Variants in TSHR observed in about 807,000 individuals in gnomAD.
TSHR encodes the protein thyrotropin receptor.
Under a neutral mutation model 64.1 loss-of-function variants are expected in TSHR, and 51 were observed. The observed-to-expected ratio is 0.80, with a 90% confidence interval of 0.64 to 1.01. TSHR has a LOEUF of 1.01. TSHR is among the 50% of genes least tolerant of loss of function. The pLI, the probability that TSHR is intolerant of heterozygous loss-of-function variation, is 0.00. For missense variants in TSHR, 877 were observed against 942.8 expected (o/e 0.93, Z 0.91); for synonymous variants, 361 against 361.9 (o/e 1.00, Z 0.03).
rs550838356 is a variant in TSHR at position 81,075,345 on chromosome 14, A to G, written c.317+7017A>G. ...CAATTAATGAATTATTCTTTGCTCA[A>G]TTAAACTGTTAAATTTATGTAACAT... On this transcript the variant is annotated intron_variant, in intron 3 of 9. Transcript: ENST00000298171. Among the ~76,000 whole-genome samples the G allele has an allele frequency of 3.5e-4, 53 of 152,312 alleles. No homozygotes were observed. In the Middle Eastern group the frequency reaches 0.017, roughly 49 times the overall value.
intron 1 of TSHR, among the ~76,000 whole-genome samples, chr14:80,987,427 T>G (rs1888517190): frequency 1.3e-5 from 2 of 152,244 alleles, no homozygotes; most frequent in African/African-American, 4.8e-5. Context: ...TAGTTCAATT[T>G]TCTTACATTA....
In TSHR at chr14:81,144,219, G is replaced by A. The variant is rs61745409; in HGVS notation, c.2161G>A (p.Val721Ile). The A allele has an allele frequency of 3.1e-6, 5 of 1,613,242 alleles. No homozygotes were observed. The African/African-American group carries it at 4.0e-5, about 13-fold the overall frequency. Residue 721 changes from valine (V) to isoleucine (I), a missense_variant, in exon 10 of 10, where the codon GTT becomes ATT. By Grantham distance (29) the Val-to-Ile change is conservative. Coordinates refer to ENST00000298171, the MANE Select transcript of TSHR (RefSeq NM_000369.5). ...VPPKNSTDIQVQKVTHEMRQG... is the reference protein window; with the variant it reads ...VPPKNSTDIQIQKVTHEMRQG... ...TCCAAAGAACAGCACTGATATTCAG[G>A]TTCAAAAGGTTACCCACGAGATGAG...
At chr14:80,961,064 G>A (rs576806209) in intron 1 of TSHR, among the ~76,000 whole-genome samples, 2 of 152,226 alleles carry the variant, frequency 1.3e-5, no homozygotes, top group East Asian at 1.9e-4. Context: ...GTGGTCACCC[G>A]CCCACTTTTG....
chr14:81,132,562 C>T (rs1891290870), intron 8 of TSHR, among the ~76,000 whole-genome samples: 6 of 152,144 alleles, frequency 3.9e-5, no homozygotes, highest in Admixed American at 1.3e-4. Context: ...GGTCCTGTTA[C>T]TTTCATTAGA....
At chr14:81,083,885 G>T (rs1888091361) in intron 3 of TSHR, among the ~76,000 whole-genome samples, 2 of 152,174 alleles carry the variant, frequency 1.3e-5, no homozygotes. Context: ...ATGGCAGCAG[G>T]AAAGAGACAT....
At chr14:81,033,253 G>T in intron 1 of TSHR, 1 of 475,546 alleles carries the variant, frequency 2.1e-6, no homozygotes. Flanking sequence ...CCACTACTTG[G>T]TACTAGATCT....
intron 2 of TSHR, among the ~76,000 whole-genome samples, chr14:81,067,228 A>T (rs907347045): frequency 2.6e-5 from 4 of 152,050 alleles, no homozygotes; most frequent in African/African-American, 4.8e-5. Context: ...TCCATTAAAA[A>T]TGCTTCTTAT....
chr14:81,091,214 A>T, intron 5 of TSHR, 71 bp downstream of exon 5: 1 of 1,355,960 alleles, frequency 7.4e-7, no homozygotes, highest in African/African-American at 1.4e-5. Context: ...TACAGTCATG[A>T]GGGTAGGTTG....
chr14:81,138,780 A>G (rs1414572239), intron 8 of TSHR, among the ~76,000 whole-genome samples: 2 of 152,182 alleles, frequency 1.3e-5, no homozygotes, highest in Non-Finnish European at 2.9e-5. Context: ...TTTAAATGGA[A>G]TTATCTTCTA....
At chr14:81,079,137 G>A (rs1887710717) in intron 3 of TSHR, among the ~76,000 whole-genome samples, 1 of 152,182 alleles carries the variant, frequency 6.6e-6, no homozygotes, top group South Asian at 2.1e-4. Context: ...ATTTCCCCTG[G>A]GTAGTAACTT....
At chr14:81,056,704 G>A (rs948914812) in intron 1 of TSHR, among the ~76,000 whole-genome samples, 3 of 152,256 alleles carry the variant, frequency 2.0e-5, no homozygotes, top group South Asian at 2.1e-4. Context: ...TTGAGTTTCT[G>A]GGGTTCAGAT....
chr14:81,073,012 T>A (rs10134986), intron 3 of TSHR, among the ~76,000 whole-genome samples: 11,768 of 20,998 alleles, frequency 0.56, 3,688 homozygotes, highest in African/African-American at 0.64. Flanking sequence ...AAAAAAAAAA[T>A]AAAAAATAAA....
chr14:81,096,934 G>GTGTT (rs1889243744), intron 7 of TSHR, among the ~76,000 whole-genome samples: 1 of 151,564 alleles, frequency 6.6e-6, no homozygotes, highest in Non-Finnish European at 1.5e-5. Context: ...GTGTGTGTGT[G>GTGTT]TGTGTGTGTG....
intron 2 of TSHR, among the ~76,000 whole-genome samples, chr14:81,063,062 A>T (rs996057989): frequency 6.6e-6 from 1 of 152,162 alleles, no homozygotes; most frequent in African/African-American, 2.4e-5. Context: ...AACATTCTAC[A>T]GTTCATAGGA....
chr14:81,026,959 C>T (rs556538340), intron 1 of TSHR, among the ~76,000 whole-genome samples: 2 of 150,982 alleles, frequency 1.3e-5, no homozygotes, highest in South Asian at 4.2e-4. Flanking sequence ...TCACTTGAAC[C>T]TGGGAGGCGG....
chr14:81,103,054 T>G lies in TSHR; in HGVS notation c.615-5321T>G, dbSNP rs190625793. ...TTTATTCTTTCCTAGATTTAAGCAC[T>G]TCAGTAAAAGGTATCATGTAAATCC... On this transcript the variant is annotated intron_variant, in intron 7 of 9. Coordinates refer to ENST00000298171, the MANE Select transcript of TSHR (RefSeq NM_000369.5). The surrounding 1 kb of genome is among the most constrained non-coding windows in gnomAD (Gnocchi z 4.1). The G allele has an allele frequency of 1.0e-6, 1 of 985,404 alleles. No individual in the cohort carries two copies. Among genetic ancestry groups the G allele is most frequent in the African/African-American group, 1.7e-5 (1 of 57,352 alleles). The allele number at this position is 985,404 out of a possible 1,614,324, so 61.0% of individuals were successfully genotyped here.
intron 3 of TSHR, 135 bp downstream of exon 3, chr14:81,068,463 C>A (rs1044240452): frequency 3.9e-6 from 3 of 762,858 alleles, no homozygotes; most frequent in East Asian, 2.7e-5. Context: ...AAATTATTAA[C>A]CTGTTCTCAT....
At chr14:81,130,714 G>A (rs1307527916) in intron 8 of TSHR, among the ~76,000 whole-genome samples, 1 of 90,964 alleles carries the variant, frequency 1.1e-5, no homozygotes. Context: ...TGCTTGGGCC[G>A]GGCGCGGTGG....
intron 5 of TSHR, among the ~76,000 whole-genome samples, chr14:81,091,905 TA>T (rs1888766869): frequency 6.6e-6 from 1 of 152,216 alleles, no homozygotes; most frequent in Non-Finnish European, 1.5e-5. Context: ...TGAAAGGACG[TA>T]AGGCAGAGAG....
Sources: allele counts gnomAD v4.1 joint callset (sites outside exome capture counted in the v4.1 genomes callset), GRCh38; gene constraint gnomAD v4.1.1; non-coding constraint Gnocchi (gnomAD v3.1); transcripts MANE v1.5; gene names NCBI Gene and HGNC (gene_info 2026-07-23, HGNC 2026-07-21).